Variants in NKAIN3 observed in about 807,000 individuals in gnomAD.
The protein encoded by NKAIN3 is sodium/potassium-transporting ATPase subunit beta-1-interacting protein 3.
Under a neutral mutation model 30.2 loss-of-function variants are expected in NKAIN3, and 25 were observed. That is an observed-to-expected ratio of 0.83 (90% CI 0.60 to 1.16). NKAIN3 has a LOEUF of 1.16. Among genes scored for constraint, NKAIN3 ranks in the 50% most tolerant of loss-of-function variants. The pLI, the probability that NKAIN3 is intolerant of heterozygous loss-of-function variation, is 0.00. For synonymous variants in NKAIN3, 91 were observed against 89.6 expected, an observed-to-expected ratio of 1.02 and a Z score of -0.09; for missense variants, 225 against 254.1, an observed-to-expected ratio of 0.89 and a Z score of 0.78.
intron 1 of NKAIN3, among the ~76,000 whole-genome samples, chr8:62,308,837 C>T (rs1814337060): frequency 6.6e-6 from 1 of 150,472 alleles, no homozygotes; most frequent in Non-Finnish European, 1.5e-5. Flanking sequence ...AACTGCAAAA[C>T]AACCTTGCAT....
intron 3 of NKAIN3, among the ~76,000 whole-genome samples, chr8:62,633,434 A>C (rs1812029329): frequency 6.6e-6 from 1 of 152,110 alleles, no homozygotes. Context: ...GTCAAGTCAC[A>C]TGTTTCTGCA....
chr8:62,968,321 T>C lies in NKAIN3; in HGVS notation c.*2914T>C, dbSNP rs529665964. Among the ~76,000 whole-genome samples, 106 of 152,344 alleles carry C rather than the reference T, an allele frequency of 7.0e-4. 1 individual carries two copies. Among genetic ancestry groups the C allele is most frequent in the Non-Finnish European group, 6.9e-4 (47 of 68,028 alleles). On this transcript the variant is annotated 3_prime_UTR_variant, in exon 7 of 7. Coordinates refer to ENST00000623646, the MANE Select transcript of NKAIN3 (RefSeq NM_001304533.3). Reference sequence around the variant, plus strand: ...AAGTACTGTCACAGTTACTGTTCCATGGAAATGAGCATTTGCAGTTATTGC... The same window carrying C: ...AAGTACTGTCACAGTTACTGTTCCACGGAAATGAGCATTTGCAGTTATTGC...
intron 1 of NKAIN3, among the ~76,000 whole-genome samples, chr8:62,339,150 G>A (rs943322437): frequency 2.6e-5 from 4 of 152,018 alleles, no homozygotes; most frequent in African/African-American, 9.7e-5. Context: ...AAGCTCTGGG[G>A]TCAGGATGAG....
chr8:62,435,593 A>C (rs1012033448), intron 1 of NKAIN3, among the ~76,000 whole-genome samples: 2 of 152,190 alleles, frequency 1.3e-5, no homozygotes, highest in Non-Finnish European at 2.9e-5. Context: ...ATTTTTAGTC[A>C]CATTCATGCC....
intron 4 of NKAIN3, chr8:62,855,948 T>G (rs1013835816): frequency 3.0e-5 from 22 of 729,926 alleles, no homozygotes; most frequent in Non-Finnish European, 5.1e-5. Context: ...GTCCAGACAC[T>G]TTATGTGCAG....
At chr8:62,481,276 C>T (rs188656741) in intron 1 of NKAIN3, among the ~76,000 whole-genome samples, 54 of 152,236 alleles carry the variant, frequency 3.5e-4, no homozygotes, top group Admixed American at 2.7e-3. Context: ...GTGTATCCCT[C>T]ACCACCTCTG....
chr8:62,835,242 A>G (rs528771134), intron 4 of NKAIN3, among the ~76,000 whole-genome samples: 2 of 152,148 alleles, frequency 1.3e-5, no homozygotes, highest in Non-Finnish European at 2.9e-5. Flanking sequence ...AGGAAATACC[A>G]TTCTGGACAT....
At chr8:62,964,812 T>A (rs904309542) in intron 6 of NKAIN3, among the ~76,000 whole-genome samples, 37 of 150,812 alleles carry the variant, frequency 2.5e-4, no homozygotes, top group East Asian at 5.9e-4. Flanking sequence ...ATAAAAAATT[T>A]AAAAAAAAAC....
intron 1 of NKAIN3, among the ~76,000 whole-genome samples, chr8:62,269,115 G>A (rs534983839): frequency 1.3e-5 from 2 of 152,274 alleles, no homozygotes; most frequent in South Asian, 4.1e-4. Flanking sequence ...TAATGTGCGG[G>A]AGATGTATTC....
At chr8:62,377,756 G>C (rs1261260126) in intron 1 of NKAIN3, among the ~76,000 whole-genome samples, 1 of 152,092 alleles carries the variant, frequency 6.6e-6, no homozygotes, top group East Asian at 1.9e-4. Flanking sequence ...TCTCTCTCCT[G>C]CCACCCTGTG....
intron 4 of NKAIN3, among the ~76,000 whole-genome samples, chr8:62,803,380 C>T (rs1424601953): frequency 2.6e-5 from 4 of 152,092 alleles, no homozygotes; most frequent in Non-Finnish European, 5.9e-5. Flanking sequence ...CTCTCCTCAG[C>T]AAATGTAAAA....
intron 1 of NKAIN3, among the ~76,000 whole-genome samples, chr8:62,453,562 A>C (rs754617579): frequency 1.1e-4 from 16 of 152,152 alleles, no homozygotes; most frequent in Non-Finnish European, 1.6e-4. Flanking sequence ...AGGCATGAAA[A>C]CCATACAAAA....
chr8:62,995,476 C>G (rs1025334603), intron 5 of NKAIN3, among the ~76,000 whole-genome samples: 1 of 152,116 alleles, frequency 6.6e-6, no homozygotes, highest in South Asian at 2.1e-4. Context: ...AAGGGAGGAC[C>G]TTTGTTCACA....
At chr8:62,281,721 G>T (rs149014739) in intron 1 of NKAIN3, among the ~76,000 whole-genome samples, 159 of 151,962 alleles carry the variant, frequency 1.0e-3, no homozygotes, top group African/African-American at 3.7e-3. Context: ...CTAGTTTATG[G>T]TGGTTGTTTA....
chr8:62,524,440 C>G (rs192467413), intron 1 of NKAIN3, among the ~76,000 whole-genome samples: 1 of 152,016 alleles, frequency 6.6e-6, no homozygotes, highest in African/African-American at 2.4e-5. Context: ...GACCAAATGG[C>G]AGTGAATTGA....
In NKAIN3 at chr8:62,305,441, A is replaced by G. The variant is rs575213331; in HGVS notation, c.54+56314A>G. Among the ~76,000 whole-genome samples, 53 of 150,690 alleles carry G rather than the reference A, an allele frequency of 3.5e-4. 2 individuals are homozygous for G. Among genetic ancestry groups the G allele is most frequent in the African/African-American group, 1.1e-3 (46 of 40,064 alleles). On this transcript the variant is annotated intron_variant, in intron 1 of 6. Transcript: ENST00000623646. The stretch of plus-strand genomic sequence containing the variant: ...TAACAACTCATCTTGATGCTGAACA[A>G]TATGGTCATGGTCATTAGTTAGGAT...
intron 1 of NKAIN3, among the ~76,000 whole-genome samples, chr8:62,415,881 C>G (rs923832373): frequency 2.0e-5 from 3 of 151,920 alleles, no homozygotes; most frequent in African/African-American, 7.3e-5. Context: ...CCTCAGCCTC[C>G]CGAGTAGCTG....
chr8:62,998,824 G>A (rs1021768647), intron 5 of NKAIN3, among the ~76,000 whole-genome samples: 1 of 152,104 alleles, frequency 6.6e-6, no homozygotes, highest in Non-Finnish European at 1.5e-5. Context: ...ACCTCAAACT[G>A]GATGAAATTT....
intron 3 of NKAIN3, among the ~76,000 whole-genome samples, chr8:62,597,383 A>G (rs1657618734): frequency 6.6e-6 from 1 of 152,056 alleles, no homozygotes; most frequent in African/African-American, 2.4e-5. Context: ...TTCATGGTGA[A>G]AAGAAAATTC....
Sources: allele counts gnomAD v4.1 joint callset (sites outside exome capture counted in the v4.1 genomes callset), GRCh38; gene constraint gnomAD v4.1.1; transcripts MANE v1.5; gene names NCBI Gene and HGNC (gene_info 2026-07-23, HGNC 2026-07-21).